SORCS1: variants seen among roughly 807,000 people sequenced by gnomAD.
SORCS1 encodes VPS10 domain-containing receptor SorCS1.
In SORCS1, 60 loss-of-function variants were observed where a neutral mutation model predicts 146.1. The observed-to-expected ratio is 0.41, with a 90% CI of 0.33 to 0.51. The LOEUF (loss-of-function observed/expected upper bound fraction) is 0.51, where lower values mean the gene tolerates loss of function less well. Among genes scored for constraint, SORCS1 ranks in the 20% least tolerant of loss-of-function variants. The pLI is 0.21. For synonymous variants in SORCS1, 637 were observed against 584.0 expected, an observed-to-expected ratio of 1.09 and a Z score of -1.31; for missense variants, 1,352 against 1,487.6, an observed-to-expected ratio of 0.91 and a Z score of 1.50.
At chr10:106,713,789 A>C (rs2135878738) in intron 6 of SORCS1, among the ~76,000 whole-genome samples, 1 of 152,328 alleles carries the variant, frequency 6.6e-6, no homozygotes, top group South Asian at 2.1e-4. Context: ...GAAAAATCCC[A>C]GTAAGTTTGG....
At chr10:107,145,826 A>G (rs1537986) in intron 1 of SORCS1, among the ~76,000 whole-genome samples, 7,860 of 152,252 alleles carry the variant, frequency 0.052, 470 homozygotes, top group East Asian at 0.33. Flanking sequence ...AGAGAGAAGC[A>G]TTTTCCAGGT....
At position 106,640,217 on chromosome 10, in the gene SORCS1, A is replaced by G. The variant is rs568302252; in HGVS notation, c.2476-10829T>C. The stretch of plus-strand genomic sequence containing the variant: ...TCTCTACCATCTGATGGCTGACAGC[A>G]TCCTGCAATACTTATGAAGTGTTAT... On this transcript the variant is annotated intron_variant, in intron 18 of 25. Coordinates refer to ENST00000263054, the MANE Select transcript of SORCS1 (RefSeq NM_052918.5). Among the ~76,000 whole-genome samples, 7 of 152,274 alleles carry G rather than the reference A, an allele frequency of 4.6e-5. No homozygotes were observed. The South Asian group carries it at 1.4e-3, about 32-fold the overall frequency.
intron 2 of SORCS1, among the ~76,000 whole-genome samples, chr10:106,904,863 A>C (rs1268465181): frequency 6.6e-6 from 1 of 152,230 alleles, no homozygotes; most frequent in African/African-American, 2.4e-5. Flanking sequence ...TACGTAATTA[A>C]ACACATCTTA....
At chr10:106,762,928 G>A (rs1416524626) in intron 4 of SORCS1, among the ~76,000 whole-genome samples, 1 of 151,936 alleles carries the variant, frequency 6.6e-6, no homozygotes, top group African/African-American at 2.4e-5. Context: ...CAACACAGAG[G>A]ACTGTACAAC....
At chr10:106,835,586 T>A (rs1442907153) in intron 2 of SORCS1, among the ~76,000 whole-genome samples, 6 of 152,152 alleles carry the variant, frequency 3.9e-5, no homozygotes, top group Non-Finnish European at 8.8e-5. Context: ...GTGCTAGTAG[T>A]TTTAGGTGGT....
chr10:106,602,994 G>A (rs1408838645), intron 23 of SORCS1, among the ~76,000 whole-genome samples: 3 of 152,078 alleles, frequency 2.0e-5, no homozygotes, highest in African/African-American at 7.2e-5. Context: ...AAACAGCCAA[G>A]GAAGAAATAT....
At chr10:106,679,544 T>C in intron 11 of SORCS1, 88 bp downstream of exon 11, 1 of 1,210,494 alleles carries the variant, frequency 8.3e-7, no homozygotes, top group South Asian at 1.4e-5. Flanking sequence ...GATATCTAGC[T>C]TCTTAAAATA....
chr10:106,621,711 G>A (rs1363379576), intron 19 of SORCS1, among the ~76,000 whole-genome samples: 3 of 151,700 alleles, frequency 2.0e-5, no homozygotes, highest in African/African-American at 7.3e-5. Context: ...ATTCATCCAG[G>A]AGCCCACTCC....
At position 106,699,161 on chromosome 10, in the gene SORCS1, T is replaced by C. The variant is rs147684340; in HGVS notation, c.1413+53A>G. 439 of 1,489,478 alleles carry C rather than the reference T, an allele frequency of 2.9e-4. 2 individuals are homozygous for C. The African/African-American group carries it at 5.5e-3, about 18-fold the overall frequency. The allele number at this position is 1,489,478 out of a possible 1,614,324, so 92.3% of individuals were successfully genotyped here. On this transcript the variant is annotated intron_variant, in intron 9 of 25. Coordinates refer to ENST00000263054, the MANE Select transcript of SORCS1 (RefSeq NM_052918.5). ...GAAAAGAGTCCATGCGGGGCTTCCATCAGCCAGCTGGGCACTGCTGTGGCT... is the reference window on the plus strand; with the variant it reads ...GAAAAGAGTCCATGCGGGGCTTCCACCAGCCAGCTGGGCACTGCTGTGGCT...
At position 107,043,513 on chromosome 10, in the gene SORCS1, A is replaced by G. The variant is rs184082705; in HGVS notation, c.559-86933T>C. Among the ~76,000 whole-genome samples, 487 of 152,292 alleles carry G rather than the reference A, an allele frequency of 3.2e-3. 19 individuals are homozygous for G. Among genetic ancestry groups the G allele is most frequent in the Admixed American group, 0.029 (444 of 15,290 alleles). On this transcript the variant is annotated intron_variant, in intron 1 of 25. Transcript: ENST00000263054. ...AGCTCTCCAGCAAACAAAGCAATACAGTTTTTCTGATTTTCTTTAACATTA... is the reference window on the plus strand; with the variant it reads ...AGCTCTCCAGCAAACAAAGCAATACGGTTTTTCTGATTTTCTTTAACATTA...
chr10:106,645,826 C>T (rs1049116207), intron 18 of SORCS1, among the ~76,000 whole-genome samples: 5 of 151,454 alleles, frequency 3.3e-5, no homozygotes, highest in African/African-American at 1.2e-4. Flanking sequence ...ACTTTTTTCC[C>T]TCTAGGGCTT....
At chr10:106,688,403 TA>T in intron 9 of SORCS1, 65 bp from the exon 10 acceptor site, 1 of 1,555,960 alleles carries the variant, frequency 6.4e-7, no homozygotes, top group Non-Finnish European at 8.7e-7. Flanking sequence ...GTTTACTTTT[TA>T]AAAAAAGAAG....
intron 2 of SORCS1, among the ~76,000 whole-genome samples, chr10:106,858,942 A>T (rs1949900322): frequency 6.6e-6 from 1 of 152,134 alleles, no homozygotes; most frequent in Non-Finnish European, 1.5e-5. Flanking sequence ...TCTAGTTCTT[A>T]CTGCCATTCC....
intron 1 of SORCS1, among the ~76,000 whole-genome samples, chr10:106,978,680 C>T (rs1956134192): frequency 6.6e-6 from 1 of 151,944 alleles, no homozygotes; most frequent in Non-Finnish European, 1.5e-5. Flanking sequence ...CACCCGTAAT[C>T]CCAGCTACTC....
rs564321172 is a variant in SORCS1, at chr10:107,116,988, T to C, written c.558+46981A>G. 5.9e-5 allele frequency among the ~76,000 whole-genome samples: 9 copies of C among 152,242 alleles called. No homozygotes were observed. In the South Asian group the frequency reaches 1.9e-3, roughly 32 times the overall value. ...ATACACTAAAGAGTAACACAATTAT[T>C]GTTGATATCCAAATTTGTCAGAATT... On this transcript the variant is annotated intron_variant, in intron 1 of 25. Transcript: ENST00000263054.
chr10:107,179,857 T>C, the SORCS1 span, among the ~76,000 whole-genome samples: 4 of 151,640 alleles, frequency 2.6e-5, no homozygotes, highest in Admixed American at 1.3e-4. Flanking sequence ...TTTCCCACTC[T>C]TTAGCATGTA....
intron 19 of SORCS1, among the ~76,000 whole-genome samples, chr10:106,623,850 AT>A (rs1393387831): frequency 6.6e-6 from 1 of 151,516 alleles, no homozygotes; most frequent in African/African-American, 2.4e-5. Context: ...CATCCGGCTA[AT>A]TTTTGTATTT....
chr10:106,720,250 T>C lies in SORCS1; in HGVS notation c.1024+9800A>G, dbSNP rs191503222. Reference sequence around the variant, plus strand: ...GCCTAGAAGAGCATCTGATGTGGCGTAGATGTCCAACAATATTTTTTGAAT... The same window carrying C: ...GCCTAGAAGAGCATCTGATGTGGCGCAGATGTCCAACAATATTTTTTGAAT... On this transcript the variant is annotated intron_variant, in intron 6 of 25. Transcript: ENST00000263054. 9.9e-5 allele frequency among the ~76,000 whole-genome samples: 15 copies of C among 152,282 alleles called. No individual in the cohort carries two copies. The East Asian group carries it at 2.7e-3, about 27-fold the overall frequency.
intron 1 of SORCS1, among the ~76,000 whole-genome samples, chr10:107,035,752 C>T (rs1053305828): frequency 2.0e-5 from 3 of 152,026 alleles, no homozygotes; most frequent in Non-Finnish European, 2.9e-5. Context: ...TGTTTTAGAA[C>T]AGACTAATAG....
Sources: gnomAD v4.1 joint callset for allele counts (sites outside exome capture counted in the v4.1 genomes callset) on GRCh38, gnomAD v4.1.1 for gene constraint, MANE v1.5 for transcripts, NCBI Gene and HGNC (gene_info 2026-07-23, HGNC 2026-07-21) for gene names.